The following NTNG1 variants were observed in gnomAD, a reference collection of about 807,000 sequenced individuals.
NTNG1 encodes netrin G1.
A neutral mutation model predicts 54.0 loss-of-function variants in NTNG1; 16 were observed. The ratio of observed to expected loss-of-function variants is 0.30; its 90% confidence interval spans 0.20 to 0.45. The LOEUF (loss-of-function observed/expected upper bound fraction) is 0.45. NTNG1 is among the 20% of genes least tolerant of loss of function. NTNG1 has a pLI of 1.00. For missense variants in NTNG1, 530 were observed against 678.7 expected (o/e 0.78, Z 2.43); for synonymous variants, 255 against 263.1 (o/e 0.97, Z 0.30).
chr1:107,370,098 C>T (rs931579510), intron 3 of NTNG1, among the ~76,000 whole-genome samples: 1 of 151,948 alleles, frequency 6.6e-6, no homozygotes, highest in African/African-American at 2.4e-5. Flanking sequence ...ACCAGTATCA[C>T]ACTGTTTTAA....
rs558221547 is a variant in NTNG1 at position 107,396,631 on chromosome 1, T to G, written c.1060+1305T>G. ...GTTGAGGGCCACAGACTCATGAATT[T>G]GAAAGGGATCTTGCAAGGTTATTTA... On this transcript the variant is annotated intron_variant, in intron 4 of 7. Transcript: ENST00000370068. 1.3e-3 allele frequency among the ~76,000 whole-genome samples: 191 copies of G among 152,308 alleles called. 3 individuals carry two copies. The highest frequency in any genetic ancestry group is 4.5e-3 in the African/African-American group (186 of 41,582).
chr1:107,375,108 T>C (rs1671151780), intron 3 of NTNG1, among the ~76,000 whole-genome samples: 1 of 152,222 alleles, frequency 6.6e-6, no homozygotes, highest in African/African-American at 2.4e-5. Flanking sequence ...TTCATACACA[T>C]ACACTAACAA....
In NTNG1 at chr1:107,332,859, T is replaced by C. The variant is rs141281755; in HGVS notation, c.887+7937T>C. On this transcript the variant is annotated intron_variant, in intron 3 of 7. Transcript: ENST00000370068. ...GACTGCACTGCATAAAAACTCATGG[T>C]TACTATTTCTACCTCCCTTTTATAG... is the stretch of plus-strand genomic sequence containing the variant. 6.3e-3 allele frequency among the ~76,000 whole-genome samples: 961 copies of C among 152,180 alleles called. 7 individuals carry two copies. Among genetic ancestry groups the C allele is most frequent in the African/African-American group, 0.022 (916 of 41,544 alleles).
rs1055893196 is a variant in NTNG1 at position 107,483,400 on chromosome 1, A to G, written c.*2560A>G. On this transcript the variant is annotated 3_prime_UTR_variant, in exon 8 of 8. Transcript: ENST00000370068. The stretch of plus-strand genomic sequence containing the variant: ...TCTTTCATTCCGTGTATTTAGATAT[A>G]GTTTTCTGAATTTCCTGAAGCGATG... 2.0e-5 allele frequency: 3 copies of G among 152,256 alleles called. No homozygotes were observed. The highest frequency in any genetic ancestry group is 2.1e-4 in the South Asian group (1 of 4,832). The allele number at this position is 152,256 out of a possible 1,614,324, so 9.4% of individuals were successfully genotyped here. A position where few individuals can be genotyped will look rare whatever the true frequency, so the allele number is the denominator to read the frequency against.
chr1:107,204,067 G>C (rs1658981391), intron 2 of NTNG1, among the ~76,000 whole-genome samples: 1 of 138,150 alleles, frequency 7.2e-6, no homozygotes. Flanking sequence ...TTGCTTCTCT[G>C]TATCTTTTTG....
At chr1:107,337,254 C>T (rs925204180) in intron 3 of NTNG1, among the ~76,000 whole-genome samples, 1 of 151,946 alleles carries the variant, frequency 6.6e-6, no homozygotes, top group African/African-American at 2.4e-5. Flanking sequence ...GTGGCATATA[C>T]ATACAGTGGA....
intron 7 of NTNG1, among the ~76,000 whole-genome samples, chr1:107,437,847 G>C (rs1033139256): frequency 1.3e-5 from 2 of 151,500 alleles, no homozygotes; most frequent in Non-Finnish European, 2.9e-5. Context: ...TGTCAGTTAG[G>C]GCTGCCCATA....
intron 2 of NTNG1, among the ~76,000 whole-genome samples, chr1:107,276,020 G>C (rs546667829): frequency 6.6e-6 from 1 of 152,146 alleles, no homozygotes; most frequent in Non-Finnish European, 1.5e-5. Flanking sequence ...AAATGTGTTA[G>C]CCTCCTGAAT....
chr1:107,297,809 C>T (rs940705919), intron 2 of NTNG1, among the ~76,000 whole-genome samples: 2 of 152,116 alleles, frequency 1.3e-5, no homozygotes, highest in African/African-American at 2.4e-5. Flanking sequence ...TAAATCTGAT[C>T]TATTTCATGA....
At chr1:107,431,180 T>TC (rs1675240759) in intron 6 of NTNG1, among the ~76,000 whole-genome samples, 1 of 152,192 alleles carries the variant, frequency 6.6e-6, no homozygotes, top group Non-Finnish European at 1.5e-5. Flanking sequence ...GAATTTTCTT[T>TC]CTTCCCGTTT....
Position 107,310,381 on chromosome 1 carries a change from C to T in NTNG1, c.247-13901C>T, listed in dbSNP as rs1191156649. ...ATTGTAGCTAATAGGGAAGAATCAG[C>T]CTTATTTTGAACTAACCTACAACAT... is the stretch of plus-strand genomic sequence containing the variant. On this transcript the variant is annotated intron_variant, in intron 2 of 7. Transcript: ENST00000370068. Among the ~76,000 whole-genome samples the T allele has an allele frequency of 3.9e-5, 6 of 152,046 alleles. No individual in the cohort carries two copies. In the East Asian group the frequency reaches 1.2e-3, roughly 29 times the overall value.
At chr1:107,397,327 A>T (rs1672743833) in intron 4 of NTNG1, among the ~76,000 whole-genome samples, 4 of 152,228 alleles carry the variant, frequency 2.6e-5, no homozygotes. Flanking sequence ...AACTATCTGC[A>T]GATCTGCAGT....
chr1:107,233,614 G>A (rs763574387), intron 2 of NTNG1, among the ~76,000 whole-genome samples: 1 of 152,046 alleles, frequency 6.6e-6, no homozygotes, highest in South Asian at 2.1e-4. Context: ...TGAGTTCCCC[G>A]CCGATCATGG....
intron 2 of NTNG1, among the ~76,000 whole-genome samples, chr1:107,244,419 T>C (rs1235450112): frequency 6.6e-6 from 1 of 152,164 alleles, no homozygotes; most frequent in Admixed American, 6.5e-5. Context: ...ACGTGAGGTA[T>C]CCTGTATTAT....
At chr1:107,432,769 A>C (rs1675350909) in intron 6 of NTNG1, among the ~76,000 whole-genome samples, 2 of 152,174 alleles carry the variant, frequency 1.3e-5, no homozygotes, top group Admixed American at 1.3e-4. Flanking sequence ...AATCTAAAAA[A>C]GTCCTTAAAA....
intron 2 of NTNG1, among the ~76,000 whole-genome samples, chr1:107,240,743 T>C (rs1041438793): frequency 6.6e-6 from 1 of 152,220 alleles, no homozygotes; most frequent in East Asian, 1.9e-4. Context: ...ACAAACTATA[T>C]GCAATATGAA....
intron 2 of NTNG1, among the ~76,000 whole-genome samples, chr1:107,261,760 G>A (rs1383759590): frequency 2.6e-5 from 4 of 152,086 alleles, no homozygotes; most frequent in Non-Finnish European, 4.4e-5. Context: ...GGAGAATGGC[G>A]TGAACCCGGG....
intron 3 of NTNG1, among the ~76,000 whole-genome samples, chr1:107,333,160 T>G (rs1268006400): frequency 6.6e-6 from 1 of 151,938 alleles, no homozygotes; most frequent in African/African-American, 2.4e-5. Flanking sequence ...ATTGAGAGGA[T>G]AGAGGACAAG....
intron 7 of NTNG1, among the ~76,000 whole-genome samples, chr1:107,466,331 T>C (rs1015107166): frequency 2.0e-5 from 3 of 152,224 alleles, no homozygotes; most frequent in Non-Finnish European, 4.4e-5. Context: ...ATATGGAATA[T>C]GTCATTTTTT....
Sources: gnomAD v4.1 joint callset for allele counts (sites outside exome capture counted in the v4.1 genomes callset) on GRCh38, gnomAD v4.1.1 for gene constraint, MANE v1.5 for transcripts, NCBI Gene and HGNC (gene_info 2026-07-23, HGNC 2026-07-21) for gene names.